Variants in RMND5A observed in about 807,000 individuals in gnomAD.
The protein encoded by RMND5A is required for meiotic nuclear division 5 homolog A.
Under a neutral mutation model 49.7 loss-of-function variants are expected in RMND5A, and 17 were observed. The ratio of observed to expected loss-of-function variants is 0.34; its 90% confidence interval spans 0.23 to 0.51. The LOEUF (loss-of-function observed/expected upper bound fraction) is 0.51, where lower values mean the gene tolerates loss of function less well. Among genes scored for constraint, RMND5A ranks in the 20% least tolerant of loss-of-function variants. The pLI, the probability that RMND5A is intolerant of heterozygous loss-of-function variation, is 0.96. For synonymous variants in RMND5A, 156 were observed against 167.7 expected (o/e 0.93, Z 0.54); for missense variants, 255 against 471.3 (o/e 0.54, Z 4.25).
In RMND5A at chr2:86,720,350, C is replaced by G. The variant is rs1040328986; in HGVS notation, c.-318C>G. 13 of 154,968 alleles carry G rather than the reference C, an allele frequency of 8.4e-5. No homozygotes were observed. Among genetic ancestry groups the G allele is most frequent in the African/African-American group, 2.4e-4 (10 of 41,434 alleles). The allele number at this position is 154,968 out of a possible 1,614,324, so 9.6% of individuals were successfully genotyped here. A position where few individuals can be genotyped will look rare whatever the true frequency, so the allele number is the denominator to read the frequency against. On this transcript the variant is annotated 5_prime_UTR_variant, in exon 1 of 9. Transcript: ENST00000283632. The stretch of plus-strand genomic sequence containing the variant: ...GAGAACCAGGTCATCGGTCGGTTCC[C>G]GTGAAAACAAAAACAATCGGCCGCG...
At position 86,771,721 on chromosome 2, in the gene RMND5A, C is replaced by CT; in HGVS notation, c.1112+10dup. 6.3e-7 allele frequency: 1 copy of CT among 1,592,942 alleles called. No individual in the cohort carries two copies. The highest frequency in any genetic ancestry group is 8.6e-7 in the Non-Finnish European group (1 of 1,165,518). On this transcript the variant is annotated intron_variant, in intron 8 of 8. Coordinates refer to ENST00000283632, the MANE Select transcript of RMND5A (RefSeq NM_022780.4). ...ATGTTTAATGGTAGCAAGTAAGTGT[C>CT]TGACTTTTAAAAAATGTTAGCAAAT...
Position 86,744,771 on chromosome 2 carries a change from TC to T in RMND5A, c.285+3705del, listed in dbSNP as rs1187820739. On this transcript the variant is annotated intron_variant, in intron 2 of 8. Coordinates refer to ENST00000283632, the MANE Select transcript of RMND5A (RefSeq NM_022780.4). ...ATCACAGCTCACTACAGCCTTGACCTCCCTGGGCTCGAGTGGTCCTCCCACC... is the reference window on the plus strand; with the variant it reads ...ATCACAGCTCACTACAGCCTTGACCTCCTGGGCTCGAGTGGTCCTCCCACC... Among the ~76,000 whole-genome samples the T allele has an allele frequency of 2.6e-5, 4 of 152,080 alleles. No homozygotes were observed. The East Asian group carries it at 7.7e-4, about 29-fold the overall frequency.
At position 86,775,324 on chromosome 2, in the gene RMND5A, CTTTCTTTTTTTT is replaced by C. The variant is rs1672749191; in HGVS notation, c.*1917_*1928del. ...AACCTAGAGTGTTGTATTTTTCTTT[CTTTCTTTTTTTT>C]TTTTTTTTTTTTTACCCTTTTTCTC... On this transcript the variant is annotated 3_prime_UTR_variant, in exon 9 of 9. Coordinates refer to ENST00000283632, the MANE Select transcript of RMND5A (RefSeq NM_022780.4). 1 of 78,434 alleles carries C rather than the reference CTTTCTTTTTTTT, an allele frequency of 1.3e-5. No individual in the cohort carries two copies. Among genetic ancestry groups the C allele is most frequent in the African/African-American group, 4.8e-5 (1 of 20,624 alleles). The allele number at this position is 78,434 out of a possible 1,614,324, so 4.9% of individuals were successfully genotyped here.
At chr2:86,762,450 G>C (rs1672510122) in intron 4 of RMND5A, among the ~76,000 whole-genome samples, 1 of 152,010 alleles carries the variant, frequency 6.6e-6, no homozygotes, top group Admixed American at 6.6e-5. Context: ...TTCAAGACCA[G>C]CCTGGCCAAC....
rs369188292 is a variant in RMND5A, at chr2:86,765,233, G to T, written c.688+40G>T. On this transcript the variant is annotated intron_variant, in intron 5 of 8. Coordinates refer to ENST00000283632, the MANE Select transcript of RMND5A (RefSeq NM_022780.4). ...AGATGTTATTAATGTTTGAAACAGG[G>T]CTATAGCCACCACTGTAACTTAACA... is the stretch of plus-strand genomic sequence containing the variant. 5 of 1,537,788 alleles carry T rather than the reference G, an allele frequency of 3.3e-6. No individual in the cohort carries two copies. The African/African-American group carries it at 6.9e-5, about 21-fold the overall frequency.
At chr2:86,762,356 C>G (rs952261840) in intron 4 of RMND5A, among the ~76,000 whole-genome samples, 3 of 152,134 alleles carry the variant, frequency 2.0e-5, no homozygotes, top group Non-Finnish European at 4.4e-5. Context: ...AAATGTATCA[C>G]TCTTTTGGCT....
In RMND5A at chr2:86,721,354, A is replaced by G. The variant is rs532414638; in HGVS notation, c.142+545A>G. On this transcript the variant is annotated intron_variant, in intron 1 of 8. Coordinates refer to ENST00000283632, the MANE Select transcript of RMND5A (RefSeq NM_022780.4). The stretch of plus-strand genomic sequence containing the variant: ...TTATTCTTAGCTGTGGGTTAACAAC[A>G]GCCGCTCCTGCAACTTCATGATTTG... Among the ~76,000 whole-genome samples, 14 of 152,008 alleles carry G rather than the reference A, an allele frequency of 9.2e-5. No homozygotes were observed. In the East Asian group the frequency reaches 2.7e-3, roughly 29 times the overall value.
At chr2:86,745,707 T>C (rs1322928652) in intron 2 of RMND5A, among the ~76,000 whole-genome samples, 1 of 152,220 alleles carries the variant, frequency 6.6e-6, no homozygotes, top group Non-Finnish European at 1.5e-5. Flanking sequence ...CTATCACATA[T>C]TGAGTGTTGA....
chr2:86,764,933 C>A, intron 4 of RMND5A, 94 bp from the exon 5 acceptor site: 3 of 1,230,542 alleles, frequency 2.4e-6, no homozygotes, highest in Non-Finnish European at 3.4e-6. Flanking sequence ...GATGGCAGAC[C>A]AAGCCCCTTT....
intron 4 of RMND5A, among the ~76,000 whole-genome samples, chr2:86,761,527 A>C (rs1277893479): frequency 6.6e-6 from 1 of 152,084 alleles, no homozygotes; most frequent in Non-Finnish European, 1.5e-5. Context: ...TGTTTGGGAG[A>C]GTTAAAAGTG....
chr2:86,720,879 G>C, intron 1 of RMND5A, 70 bp downstream of exon 1: 1 of 1,433,126 alleles, frequency 7.0e-7, no homozygotes, highest in Non-Finnish European at 9.2e-7. Context: ...CCCGCGGCGG[G>C]AATCCCTCAC....
At chr2:86,740,844 C>CTA (rs1681435893) in intron 1 of RMND5A, 83 bp from the exon 2 acceptor site, 1 of 1,460,276 alleles carries the variant, frequency 6.8e-7, no homozygotes, top group Non-Finnish European at 9.1e-7. Context: ...TTCCATCTTT[C>CTA]ATGGTCCAAA....
chr2:86,773,503 C>T lies in RMND5A; in HGVS notation c.*92C>T. ...TCCATATAATGCAGCTAACCAAGGA[C>T]TCCTGTGTTTCTATAAGCTAATGCT... On this transcript the variant is annotated 3_prime_UTR_variant, in exon 9 of 9. Transcript: ENST00000283632. 1.2e-6 allele frequency: 1 copy of T among 807,320 alleles called. No homozygotes were observed. Among genetic ancestry groups the T allele is most frequent in the Non-Finnish European group, 2.1e-6 (1 of 469,232 alleles). 50.0% of individuals were successfully genotyped at this position (807,320 alleles called of 1,614,324 possible).
intron 8 of RMND5A, 56 bp from the exon 9 acceptor site, chr2:86,773,292 T>C: frequency 1.1e-6 from 1 of 934,918 alleles, no homozygotes; most frequent in Non-Finnish European, 1.7e-6. Context: ...AGATAAAAAT[T>C]GAATACACAG....
intron 4 of RMND5A, among the ~76,000 whole-genome samples, chr2:86,754,072 T>C (rs1681688024): frequency 6.6e-6 from 1 of 152,262 alleles, no homozygotes; most frequent in Non-Finnish European, 1.5e-5. Flanking sequence ...CTGAAATTAC[T>C]CTGTAAGCTA....
chr2:86,747,765 G>A (rs1436317127), intron 2 of RMND5A, among the ~76,000 whole-genome samples: 1 of 152,174 alleles, frequency 6.6e-6, no homozygotes, highest in Non-Finnish European at 1.5e-5. Flanking sequence ...ACGGTAAACA[G>A]TGAAAGCCAT....
intron 5 of RMND5A, chr2:86,765,589 T>G: frequency 2.6e-6 from 1 of 384,410 alleles, no homozygotes; most frequent in Non-Finnish European, 4.7e-6. Flanking sequence ...ATGACATAAT[T>G]GTTACTTCTC....
intron 2 of RMND5A, among the ~76,000 whole-genome samples, chr2:86,750,243 C>G (rs1371978827): frequency 6.6e-6 from 1 of 152,206 alleles, no homozygotes; most frequent in Non-Finnish European, 1.5e-5. Flanking sequence ...CATGTTCCTT[C>G]TGGTGTCATT....
intron 4 of RMND5A, among the ~76,000 whole-genome samples, chr2:86,759,705 C>T (rs979290193): frequency 2.0e-5 from 3 of 146,562 alleles, no homozygotes; most frequent in Non-Finnish European, 4.5e-5. Flanking sequence ...GAGGCTGAGG[C>T]ACAAGAATCA....
Sources: allele counts gnomAD v4.1 joint callset (sites outside exome capture counted in the v4.1 genomes callset), GRCh38; gene constraint gnomAD v4.1.1; transcripts MANE v1.5; gene names NCBI Gene and HGNC (gene_info 2026-07-23, HGNC 2026-07-21).